The following POLR3H variants were observed in gnomAD, a reference collection of about 807,000 sequenced individuals.
POLR3H encodes the protein RNA polymerase III subunit H, also known as DNA-directed RNA polymerase III subunit RPC8.
In POLR3H, 17 loss-of-function variants were observed where a neutral mutation model predicts 25.5. That is an observed-to-expected ratio of 0.67 (90% CI 0.46 to 1.00). The LOEUF is 1.00. Among genes scored for constraint, POLR3H ranks in the 50% least tolerant of loss-of-function variants. The pLI is 0.00. For missense variants in POLR3H, 274 were observed against 265.0 expected (o/e 1.03, Z -0.24); for synonymous variants, 129 against 103.0 (o/e 1.25, Z -1.53).
At chr22:41,530,639 C>G (rs934233078) in intron 5 of POLR3H, 48 bp downstream of exon 5, 1 of 1,538,338 alleles carries the variant, frequency 6.5e-7, no homozygotes, top group Non-Finnish European at 8.8e-7. Context: ...GCCCTGCACT[C>G]CGGCTCTCCC....
Position 41,528,086 on chromosome 22 carries a change from C to T in POLR3H, c.*1197G>A. 2.5e-6 allele frequency: 4 copies of T among 1,607,960 alleles called. No homozygotes were observed. The highest frequency in any genetic ancestry group is 3.4e-6 in the Non-Finnish European group (4 of 1,177,322). The stretch of plus-strand genomic sequence containing the variant: ...GGCAGCCACCTTGTTTCCCCTCCTG[C>T]ACTGGCCCCAGGGTAGCTTCTCCCA... On this transcript the variant is annotated 3_prime_UTR_variant, in exon 6 of 6. Transcript: ENST00000355209.
At chr22:41,533,488 G>A in intron 2 of POLR3H, 1 of 1,197,310 alleles carries the variant, frequency 8.4e-7, no homozygotes, top group Non-Finnish European at 1.1e-6. Flanking sequence ...CAGCCACATA[G>A]CCATGGGGAG....
At chr22:41,544,597 G>A (rs2066994799), upstream of POLR3H, 1 of 152,548 alleles carries the variant, frequency 6.6e-6, no homozygotes, top group Non-Finnish European at 1.5e-5. Flanking sequence ...CAGAGAGAGG[G>A]CGAGGAGAGG....
At chr22:41,543,932 C>A (rs2066974198) in intron 1 of POLR3H, 59 bp downstream of exon 1, 3 of 1,261,038 alleles carry the variant, frequency 2.4e-6, no homozygotes, top group Non-Finnish European at 3.5e-6. Flanking sequence ...GGCCTGCGGC[C>A]AGTGGGCGGC....
chr22:41,530,566 CA>C, intron 5 of POLR3H, 120 bp downstream of exon 5: 1 of 943,982 alleles, frequency 1.1e-6, no homozygotes, highest in Non-Finnish European at 1.6e-6. Flanking sequence ...CAAGACCCCC[CA>C]AACAGGATCC....
At chr22:41,530,620 C>T in intron 5 of POLR3H, 67 bp downstream of exon 5, 1 of 1,444,654 alleles carries the variant, frequency 6.9e-7, no homozygotes, top group Non-Finnish European at 9.4e-7. Context: ...CCCCAGGACA[C>T]AGCTTCCAGC....
chr22:41,527,324 A>G lies in POLR3H; in HGVS notation c.*1959T>C. On this transcript the variant is annotated 3_prime_UTR_variant, in exon 6 of 6. Transcript: ENST00000355209. ...CAGGTGGGTGGTGATCGGAGACGAG[A>G]ACTACGGCGAGGGCTCGAGCCGGGA... 6.2e-7 allele frequency: 1 copy of G among 1,614,018 alleles called. No homozygotes were observed. The highest frequency in any genetic ancestry group is 8.5e-7 in the Non-Finnish European group (1 of 1,180,014).
intron 2 of POLR3H, among the ~76,000 whole-genome samples, chr22:41,537,616 CGA>C (rs1039998866): frequency 2.4e-4 from 37 of 152,242 alleles, no homozygotes; most frequent in African/African-American, 8.9e-4. Context: ...AAACCAAGGC[CGA>C]GAGAAGCAGA....
Position 41,527,369 on chromosome 22 carries a change from C to T in POLR3H, c.*1914G>A, listed in dbSNP as rs747898560. ...CCGGGAGCATGCAGCTCTGGAGCCT[C>T]GCCACCTTGGGGGCCGGGCCATCAT... is the stretch of plus-strand genomic sequence containing the variant. On this transcript the variant is annotated 3_prime_UTR_variant, in exon 6 of 6. Transcript: ENST00000355209. The T allele has an allele frequency of 1.2e-6, 2 of 1,613,846 alleles. No homozygotes were observed. Among genetic ancestry groups the T allele is most frequent in the Non-Finnish European group, 8.5e-7 (1 of 1,180,018 alleles).
intron 5 of POLR3H, chr22:41,529,640 A>C: frequency 1.5e-6 from 1 of 673,478 alleles, no homozygotes. Flanking sequence ...GAGCAAACAC[A>C]AGGCCCATGC....
intron 2 of POLR3H, chr22:41,540,063 G>C (rs1425457839): frequency 1.2e-5 from 2 of 173,810 alleles, no homozygotes; most frequent in Non-Finnish European, 2.5e-5. Context: ...AGGAAGCAGA[G>C]GCACAGAGCA....
intron 3 of POLR3H, 151 bp from the exon 4 acceptor site, chr22:41,532,308 G>T: frequency 1.3e-6 from 1 of 776,302 alleles, no homozygotes; most frequent in Non-Finnish European, 2.1e-6. Context: ...CCCACCTAAT[G>T]CCTCTGCGTA....
chr22:41,544,231 C>A lies in POLR3H; in HGVS notation c.-130G>T. ...CCCCCAGGCTGGCGGTGAGGTTGCA[C>A]GGGGCGGTCTCGGGGGCCCGGTCCG... On this transcript the variant is annotated 5_prime_UTR_variant, in exon 1 of 6. Coordinates refer to ENST00000355209, the MANE Select transcript of POLR3H (RefSeq NM_001018050.4). The A allele has an allele frequency of 1.6e-6, 1 of 614,398 alleles. No homozygotes were observed. The highest frequency in any genetic ancestry group is 2.8e-5 in the East Asian group (1 of 35,688). 38.1% of individuals were successfully genotyped at this position (614,398 alleles called of 1,614,324 possible).
rs1307305734 is a variant in POLR3H at position 41,530,764 on chromosome 22, G to C, written c.484C>G (p.Pro162Ala). The change falls in exon 5 of 6, where the codon CCC (proline) becomes GCC (alanine). Residue 162 changes from proline to alanine, a missense_variant. By Grantham distance (27) the Pro-to-Ala change is conservative (BLOSUM62 -1). Transcript: ENST00000355209. Reference sequence around the variant, plus strand: ...GCATCTGCTGAGCTGGGCCCTGTGGGGGACGTGTCAACAAAGCTCTCGTCC... The same window carrying C: ...GCATCTGCTGAGCTGGGCCCTGTGGCGGACGTGTCAACAAAGCTCTCGTCC... Reference protein sequence around the residue: ...VVDESFVDTSPTGPSSADATT... With the variant: ...VVDESFVDTSATGPSSADATT... 1 of 1,614,074 alleles carries C rather than the reference G, an allele frequency of 6.2e-7. No individual in the cohort carries two copies. Among genetic ancestry groups the C allele is most frequent in the Non-Finnish European group, 8.5e-7 (1 of 1,180,052 alleles).
chr22:41,526,234 C>T lies in POLR3H; in HGVS notation c.*3049G>A, dbSNP rs772776834. On this transcript the variant is annotated 3_prime_UTR_variant, in exon 6 of 6. Coordinates refer to ENST00000355209, the MANE Select transcript of POLR3H (RefSeq NM_001018050.4). ...CCACCCCTCCAGGGCCATGCCCTGA[C>T]CTCTGTCCTCTCTACTTACCACCCA... The T allele has an allele frequency of 2.6e-5, 42 of 1,601,892 alleles. No homozygotes were observed. Among genetic ancestry groups the T allele is most frequent in the Non-Finnish European group, 3.5e-5 (41 of 1,172,930 alleles).
At position 41,527,938 on chromosome 22, in the gene POLR3H, C is replaced by T. The variant is rs756138649; in HGVS notation, c.*1345G>A. ...AGAAACAGGGCCTGCTGCCTCTGACCTTCGCTGACCCGGCTGACTACAACA... is the reference window on the plus strand; with the variant it reads ...AGAAACAGGGCCTGCTGCCTCTGACTTTCGCTGACCCGGCTGACTACAACA... On this transcript the variant is annotated 3_prime_UTR_variant, in exon 6 of 6. Coordinates refer to ENST00000355209, the MANE Select transcript of POLR3H (RefSeq NM_001018050.4). The T allele has an allele frequency of 2.5e-6, 4 of 1,614,226 alleles. No individual in the cohort carries two copies. The South Asian group carries it at 3.3e-5, about 13-fold the overall frequency.
Position 41,528,376 on chromosome 22 carries a change from ACCTCTTAGGTCCCCAGGCAGTGC to A in POLR3H, c.*884_*906del. On this transcript the variant is annotated 3_prime_UTR_variant, in exon 6 of 6. Coordinates refer to ENST00000355209, the MANE Select transcript of POLR3H (RefSeq NM_001018050.4). ...GGCCTAGGATTTGGTTTGCCTGCTG[ACCTCTTAGGTCCCCAGGCAGTGC>A]CCTGTCTCCCTGACCCCCCTGCGGG... The A allele has an allele frequency of 6.7e-7, 1 of 1,494,696 alleles. No homozygotes were observed. The highest frequency in any genetic ancestry group is 9.0e-7 in the Non-Finnish European group (1 of 1,115,074). 92.6% of individuals were successfully genotyped at this position (1,494,696 alleles called of 1,614,324 possible).
At chr22:41,543,743 G>A (rs2066970209) in intron 1 of POLR3H, 1 of 656,098 alleles carries the variant, frequency 1.5e-6, no homozygotes, top group Non-Finnish European at 2.9e-6. Flanking sequence ...GAAGGGGTCA[G>A]TAACTTGCCT....
In POLR3H at chr22:41,525,894, A is replaced by G. The variant is rs762376375; in HGVS notation, c.*3389T>C. On this transcript the variant is annotated 3_prime_UTR_variant, in exon 6 of 6. Transcript: ENST00000355209. Reference sequence around the variant, plus strand: ...GGCACCCCTGTGACAGAAGAGACTAATCAGTCATCAGCCAGGACCCAGGCA... The same window carrying G: ...GGCACCCCTGTGACAGAAGAGACTAGTCAGTCATCAGCCAGGACCCAGGCA... 5.8e-5 allele frequency: 13 copies of G among 223,194 alleles called. No individual in the cohort carries two copies. Among genetic ancestry groups the G allele is most frequent in the Non-Finnish European group, 9.7e-5 (11 of 113,784 alleles). The allele number at this position is 223,194 out of a possible 1,614,324, so 13.8% of individuals were successfully genotyped here.
Sources: allele counts gnomAD v4.1 joint callset (sites outside exome capture counted in the v4.1 genomes callset), GRCh38; gene constraint gnomAD v4.1.1; transcripts MANE v1.5; gene names NCBI Gene and HGNC (gene_info 2026-07-23, HGNC 2026-07-21).